C2CD2: variants seen among roughly 807,000 people sequenced by gnomAD.
C2CD2 encodes C2 calcium dependent domain containing 2, also known as C2 domain-containing protein 2.
C2CD2 carries 43 observed loss-of-function variants against 74.3 expected under a neutral mutation model. That is an observed-to-expected ratio of 0.58 (90% CI 0.45 to 0.75). The LOEUF (loss-of-function observed/expected upper bound fraction) is 0.75, where lower values mean the gene tolerates loss of function less well. Ranked by LOEUF, C2CD2 falls within the 30% of genes least tolerant of loss-of-function variation. C2CD2 has a pLI of 0.00. For synonymous variants in C2CD2, 422 were observed against 390.7 expected (o/e 1.08, Z -0.94); for missense variants, 801 against 916.3 (o/e 0.87, Z 1.63).
chr21:41,896,724 A>G (rs866270193), intron 13 of C2CD2, among the ~76,000 whole-genome samples: 5 of 151,698 alleles, frequency 3.3e-5, no homozygotes, highest in Admixed American at 6.6e-5. Flanking sequence ...AAAAAAAAAA[A>G]AAAAACAAGC....
In C2CD2 at chr21:41,926,981, C is replaced by T. The variant is rs189783287; in HGVS notation, c.379-4896G>A. Reference sequence around the variant, plus strand: ...TAGTCAGATGTCTTTCCCCACTCTGCAAGCGAGTCTCACCTCTGTAAATAT... The same window carrying T: ...TAGTCAGATGTCTTTCCCCACTCTGTAAGCGAGTCTCACCTCTGTAAATAT... On this transcript the variant is annotated intron_variant, in intron 2 of 13. Transcript: ENST00000380486. This position sits in a 1 kb window ranked among gnomAD's most constrained non-coding sequence, Gnocchi z 8.0. Among the ~76,000 whole-genome samples, 2 of 152,312 alleles carry T rather than the reference C, an allele frequency of 1.3e-5. No homozygotes were observed. The highest frequency in any genetic ancestry group is 1.3e-4 in the Admixed American group (2 of 15,300).
rs778367156 is a variant in C2CD2 at position 41,907,677 on chromosome 21, C to T, written c.1126G>A (p.Gly376Ser). 13 of 1,611,868 alleles carry T rather than the reference C, an allele frequency of 8.1e-6. No individual in the cohort carries two copies. Among genetic ancestry groups the T allele is most frequent in the South Asian group, 6.6e-5 (6 of 90,996 alleles). Reference sequence around the variant, plus strand: ...CGCCCTACCTCTGCCGTGACCGAGCCCAGCACCGAGCTGCCGCAGGCAGAC... The same window carrying T: ...CGCCCTACCTCTGCCGTGACCGAGCTCAGCACCGAGCTGCCGCAGGCAGAC... Reference protein sequence around the residue: ...SGSACGSSVLGSVTAEFSYME... With the variant: ...SGSACGSSVLSSVTAEFSYME... The change falls in exon 9 of 14, where the codon GGC (glycine) becomes AGC (serine). Residue 376 changes from glycine to serine, a missense_variant. Physicochemically the swap from Gly to Ser is moderately conservative, Grantham distance 56. Transcript: ENST00000380486.
In C2CD2 at chr21:41,905,817, T is replaced by C. The variant is rs754792076; in HGVS notation, c.1339A>G (p.Ile447Val). Reference protein sequence around the residue: ...LSSDSPVKTPIKVKVIEKDIS... With the variant: ...LSSDSPVKTPVKVKVIEKDIS... ...TCCTTCTCGATCACCTTCACCTTGA[T>C]GGGAGTCTTCACCGGAGAATCTGCC... The change falls in exon 11 of 14, where the codon ATC becomes GTC. Residue 447 changes from isoleucine (I) to valine (V), a missense_variant. By Grantham distance (29) the Ile-to-Val change is conservative (BLOSUM62 3). Transcript: ENST00000380486. 81 of 1,601,674 alleles carry C rather than the reference T, an allele frequency of 5.1e-5. No homozygotes were observed. Among genetic ancestry groups the C allele is most frequent in the Non-Finnish European group, 6.1e-5 (71 of 1,168,734 alleles).
Position 41,897,290 on chromosome 21 carries a change from C to A in C2CD2, c.1870+1763G>T, listed in dbSNP as rs142125019. 2.0e-5 allele frequency among the ~76,000 whole-genome samples: 3 copies of A among 152,086 alleles called. No homozygotes were observed. The East Asian group carries it at 5.8e-4, about 29-fold the overall frequency. On this transcript the variant is annotated intron_variant, in intron 13 of 13. Coordinates refer to ENST00000380486, the MANE Select transcript of C2CD2 (RefSeq NM_015500.2). ...TTTCAGAAGGAATGAGGAGGGCGGA[C>A]GGGGGGTTGGGTTCTGCCAGGACAA... is the stretch of plus-strand genomic sequence containing the variant.
chr21:41,905,891 C>A (rs1241941596), intron 10 of C2CD2, 54 bp from the exon 11 acceptor site: 11 of 970,630 alleles, frequency 1.1e-5, no homozygotes, highest in Admixed American at 1.7e-5. Flanking sequence ...ACTGGATCAA[C>A]AGTTACCGAA....
intron 1 of C2CD2, among the ~76,000 whole-genome samples, chr21:41,951,831 C>T (rs534448873): frequency 6.6e-6 from 1 of 152,276 alleles, no homozygotes; most frequent in African/African-American, 2.4e-5. Flanking sequence ...CGAACCATCC[C>T]AAATATACAG....
chr21:41,936,942 C>T (rs1159476621), intron 2 of C2CD2, among the ~76,000 whole-genome samples: 1 of 150,554 alleles, frequency 6.6e-6, no homozygotes, highest in Non-Finnish European at 1.5e-5. Flanking sequence ...CCTCAGCCTC[C>T]TAAGTAGCTG....
chr21:41,920,920 T>C (rs901332595), intron 3 of C2CD2, among the ~76,000 whole-genome samples: 1 of 152,228 alleles, frequency 6.6e-6, no homozygotes, highest in African/African-American at 2.4e-5. Context: ...CTTTGCAGGT[T>C]ATTTTCTCAT....
intron 13 of C2CD2, among the ~76,000 whole-genome samples, chr21:41,894,195 T>G (rs981511973): frequency 5.9e-5 from 9 of 152,180 alleles, no homozygotes; most frequent in Non-Finnish European, 1.0e-4. Flanking sequence ...GGACTGAGGT[T>G]TGCAGTTCTG....
intron 2 of C2CD2, 182 bp downstream of exon 2, chr21:41,941,965 G>C (rs954181208): frequency 3.0e-6 from 1 of 335,164 alleles, no homozygotes; most frequent in Non-Finnish European, 4.3e-6. Flanking sequence ...GCGGAATAAC[G>C]TCCCATTATG....
Position 41,929,527 on chromosome 21 carries a change from T to G in C2CD2, c.379-7442A>C, listed in dbSNP as rs1379116809. Among the ~76,000 whole-genome samples the G allele has an allele frequency of 6.6e-6, 1 of 152,216 alleles. No homozygotes were observed. Among genetic ancestry groups the G allele is most frequent in the Non-Finnish European group, 1.5e-5 (1 of 68,040 alleles). On this transcript the variant is annotated intron_variant, in intron 2 of 13. Coordinates refer to ENST00000380486, the MANE Select transcript of C2CD2 (RefSeq NM_015500.2). This position sits in a 1 kb window ranked among gnomAD's most constrained non-coding sequence, Gnocchi z 4.6. ...GTGCCCTAAACGAGCCCAGATCCAA[T>G]CAGGGTCTCCCTGGCTTCTGAGATG...
At chr21:41,909,549 T>C (rs942684268) in intron 7 of C2CD2, 26 bp from the exon 8 acceptor site, 2 of 1,500,700 alleles carry the variant, frequency 1.3e-6, no homozygotes, top group Non-Finnish European at 9.3e-7. Flanking sequence ...AAGTTATGAG[T>C]CCTAAAAAAT....
rs764979722 is a variant in C2CD2, at chr21:41,926,215, A to C, written c.379-4130T>G. On this transcript the variant is annotated intron_variant, in intron 2 of 13. Transcript: ENST00000380486. The surrounding 1 kb of genome is among the most constrained non-coding windows in gnomAD (Gnocchi z 8.0). ...ATCCCCCAACCTGCATTTTTTTGAC[A>C]TTTTTTTTCCCCAAAACAAGCAAAG... is the stretch of plus-strand genomic sequence containing the variant. Among the ~76,000 whole-genome samples the C allele has an allele frequency of 1.5e-4, 23 of 152,130 alleles. No homozygotes were observed. Among genetic ancestry groups the C allele is most frequent in the Admixed American group, 1.2e-3 (19 of 15,274 alleles).
chr21:41,918,313 T>C lies in C2CD2; in HGVS notation c.598-86A>G, dbSNP rs535771795. ...TCACGTCTTCAGGTGACTAAAACCATGCAAAGTAGGAAGGAAGGAAATTAC... is the reference window on the plus strand; with the variant it reads ...TCACGTCTTCAGGTGACTAAAACCACGCAAAGTAGGAAGGAAGGAAATTAC... On this transcript the variant is annotated intron_variant, in intron 4 of 13. Transcript: ENST00000380486. 126 of 1,400,640 alleles carry C rather than the reference T, an allele frequency of 9.0e-5. No individual in the cohort carries two copies. The East Asian group carries it at 2.8e-3, about 31-fold the overall frequency. The allele number at this position is 1,400,640 out of a possible 1,614,324, so 86.8% of individuals were successfully genotyped here. A position where few individuals can be genotyped will look rare whatever the true frequency, so the allele number is the denominator to read the frequency against.
intron 1 of C2CD2, among the ~76,000 whole-genome samples, chr21:41,943,269 C>T (rs1213972493): frequency 3.3e-5 from 5 of 151,852 alleles, no homozygotes; most frequent in African/African-American, 1.2e-4. Flanking sequence ...CCAGCCTGGG[C>T]GACAGAGTAA....
chr21:41,892,302 G>C lies in C2CD2; in HGVS notation c.1871-2958C>G, dbSNP rs1194760541. 1.3e-5 allele frequency among the ~76,000 whole-genome samples: 2 copies of C among 152,166 alleles called. No homozygotes were observed. The highest frequency in any genetic ancestry group is 2.9e-5 in the Non-Finnish European group (2 of 68,022). ...TCAGGAGCTGGAGAGGCGGGAGCAG[G>C]CTCTCCCACAGGGCCTCAGAAAGGG... is the stretch of plus-strand genomic sequence containing the variant. On this transcript the variant is annotated intron_variant, in intron 13 of 13. Transcript: ENST00000380486. The surrounding 1 kb of genome is among the most constrained non-coding windows in gnomAD (Gnocchi z 4.6).
chr21:41,888,966 C>T lies in C2CD2; in HGVS notation c.*158G>A. 3.1e-6 allele frequency: 2 copies of T among 642,008 alleles called. No individual in the cohort carries two copies. The highest frequency in any genetic ancestry group is 1.8e-5 in the African/African-American group (1 of 54,866). 39.8% of individuals were successfully genotyped at this position (642,008 alleles called of 1,614,324 possible). ...CTGGGAGAAGCCTCCTGGCTGGAGA[C>T]TCAGATTTTGTTTTCCCTTTAAATG... is the stretch of plus-strand genomic sequence containing the variant. On this transcript the variant is annotated 3_prime_UTR_variant, in exon 14 of 14. Coordinates refer to ENST00000380486, the MANE Select transcript of C2CD2 (RefSeq NM_015500.2).
intron 1 of C2CD2, among the ~76,000 whole-genome samples, chr21:41,949,053 G>A (rs1490906413): frequency 2.0e-5 from 3 of 151,988 alleles, no homozygotes; most frequent in South Asian, 2.1e-4. Context: ...TACCAGACAA[G>A]CCCAGAGCAC....
At chr21:41,913,415 C>G (rs2065051298) in intron 6 of C2CD2, among the ~76,000 whole-genome samples, 2 of 152,226 alleles carry the variant, frequency 1.3e-5, no homozygotes. Flanking sequence ...CTTTCACAGT[C>G]ACTCTTCAAG....
Sources: allele counts gnomAD v4.1 joint callset (sites outside exome capture counted in the v4.1 genomes callset), GRCh38; gene constraint gnomAD v4.1.1; non-coding constraint Gnocchi (gnomAD v3.1); transcripts MANE v1.5; gene names NCBI Gene and HGNC (gene_info 2026-07-23, HGNC 2026-07-21).